Variants in PHKB observed in about 807,000 individuals in gnomAD.
The protein encoded by PHKB is phosphorylase kinase regulatory subunit beta.
PHKB carries 122 observed loss-of-function variants against 152.1 expected under a neutral mutation model. The observed-to-expected ratio is 0.80, with a 90% confidence interval of 0.69 to 0.93. The LOEUF (loss-of-function observed/expected upper bound fraction) is 0.93. Among genes scored for constraint, PHKB ranks in the 40% least tolerant of loss-of-function variants. The pLI, the probability that PHKB is intolerant of heterozygous loss-of-function variation, is 0.00. For missense variants in PHKB, 1,304 were observed against 1,328.4 expected, an observed-to-expected ratio of 0.98 and a Z score of 0.29; for synonymous variants, 436 against 464.9, an observed-to-expected ratio of 0.94 and a Z score of 0.80.
intron 6 of PHKB, among the ~76,000 whole-genome samples, chr16:47,524,068 G>A (rs1291706832): frequency 3.3e-5 from 5 of 152,266 alleles, no homozygotes; most frequent in African/African-American, 1.2e-4. Context: ...TCTACTTAGT[G>A]AGGTTTCAGC....
intron 25 of PHKB, among the ~76,000 whole-genome samples, chr16:47,666,696 C>T (rs983357881): frequency 3.9e-5 from 6 of 152,242 alleles, no homozygotes; most frequent in African/African-American, 1.2e-4. Context: ...GAGTCTGGGT[C>T]TTGTCCAGTA....
At chr16:47,518,722 T>A (rs1280336341) in intron 6 of PHKB, among the ~76,000 whole-genome samples, 1 of 152,226 alleles carries the variant, frequency 6.6e-6, no homozygotes, top group Non-Finnish European at 1.5e-5. Context: ...GCCCTTGTAC[T>A]GCTGTTTGCT....
Position 47,699,717 on chromosome 16 carries a change from G to T in PHKB, c.*351G>T. 3.3e-6 allele frequency: 1 copy of T among 302,088 alleles called. No individual in the cohort carries two copies. Among genetic ancestry groups the T allele is most frequent in the Admixed American group, 4.5e-5 (1 of 22,012 alleles). The allele number at this position is 302,088 out of a possible 1,614,324, so 18.7% of individuals were successfully genotyped here. On this transcript the variant is annotated 3_prime_UTR_variant, in exon 31 of 31. Coordinates refer to ENST00000323584, the MANE Select transcript of PHKB (RefSeq NM_000293.3). ...CTTTGGACTGAATTCTTACCATACT[G>T]CCATTAAAATAAATTTGCCAACTAG...
At chr16:47,620,961 G>A (rs1282314202) in intron 14 of PHKB, among the ~76,000 whole-genome samples, 1 of 152,162 alleles carries the variant, frequency 6.6e-6, no homozygotes, top group Non-Finnish European at 1.5e-5. Context: ...GGTATAAAGT[G>A]TAAAGAATTT....
chr16:47,578,241 A>G (rs1480618914), intron 7 of PHKB, among the ~76,000 whole-genome samples: 3 of 152,092 alleles, frequency 2.0e-5, no homozygotes, highest in Non-Finnish European at 4.4e-5. Flanking sequence ...TTGCTTATTG[A>G]AGCACTTTTA....
intron 14 of PHKB, among the ~76,000 whole-genome samples, chr16:47,627,937 G>A (rs1293664391): frequency 6.6e-6 from 1 of 152,190 alleles, no homozygotes; most frequent in Non-Finnish European, 1.5e-5. Context: ...TAAAGCATCT[G>A]CCTGATTTCT....
intron 16 of PHKB, 86 bp downstream of exon 16, chr16:47,641,778 G>A: frequency 1.3e-6 from 1 of 778,364 alleles, no homozygotes; most frequent in Non-Finnish European, 2.3e-6. Flanking sequence ...AAGTCACACA[G>A]TTAAAATCTG....
At chr16:47,639,046 G>T (rs1171156055) in intron 14 of PHKB, among the ~76,000 whole-genome samples, 1 of 152,140 alleles carries the variant, frequency 6.6e-6, no homozygotes, top group Non-Finnish European at 1.5e-5. Context: ...AGGCCAGTGT[G>T]GGCAGATCGC....
At chr16:47,632,719 G>A (rs1288859089) in intron 14 of PHKB, among the ~76,000 whole-genome samples, 1 of 152,106 alleles carries the variant, frequency 6.6e-6, no homozygotes, top group African/African-American at 2.4e-5. Context: ...TAGAAAAAAA[G>A]AGCAAGGAAA....
intron 20 of PHKB, among the ~76,000 whole-genome samples, chr16:47,654,553 A>G (rs1336346330): frequency 6.6e-6 from 1 of 152,152 alleles, no homozygotes; most frequent in African/African-American, 2.4e-5. Context: ...GAACCAACCC[A>G]AATGTCCAAC....
intron 1 of PHKB, among the ~76,000 whole-genome samples, chr16:47,471,441 A>T (rs1239634979): frequency 6.6e-6 from 1 of 152,178 alleles, no homozygotes; most frequent in Non-Finnish European, 1.5e-5. Flanking sequence ...CTGTTATGTA[A>T]AAATAGACTG....
At chr16:47,667,242 A>AG (rs1973554853) in intron 25 of PHKB, among the ~76,000 whole-genome samples, 1 of 151,836 alleles carries the variant, frequency 6.6e-6, no homozygotes, top group Non-Finnish European at 1.5e-5. Flanking sequence ...GACCAGCCTG[A>AG]GCACATAGCA....
At chr16:47,669,482 C>G in intron 26 of PHKB, 65 bp downstream of exon 26, 2 of 1,418,734 alleles carry the variant, frequency 1.4e-6, no homozygotes, top group Admixed American at 3.4e-5. Context: ...CAGACCCGGC[C>G]TCTCCAAGTG....
intron 21 of PHKB, 41 bp from the exon 22 acceptor site, chr16:47,660,616 A>G (rs368538723): frequency 5.6e-5 from 90 of 1,612,680 alleles, no homozygotes; most frequent in Non-Finnish European, 1.4e-5. Flanking sequence ...AAATTACATT[A>G]GAAAAGCAGA....
At chr16:47,690,786 A>T (rs1330171000) in intron 27 of PHKB, among the ~76,000 whole-genome samples, 2 of 152,212 alleles carry the variant, frequency 1.3e-5, no homozygotes, top group Non-Finnish European at 2.9e-5. Context: ...TCCACTCAAG[A>T]TGCTTAAATT....
intron 14 of PHKB, among the ~76,000 whole-genome samples, chr16:47,621,541 CT>C (rs1972617475): frequency 6.6e-6 from 1 of 152,114 alleles, no homozygotes. Flanking sequence ...TTCTAATGCT[CT>C]CAAATAGTTT....
Position 47,479,360 on chromosome 16 carries a change from G to T in PHKB, c.76+17934G>T, listed in dbSNP as rs530773758. Among the ~76,000 whole-genome samples the T allele has an allele frequency of 4.6e-5, 7 of 152,204 alleles. No individual in the cohort carries two copies. The East Asian group carries it at 1.4e-3, about 29-fold the overall frequency. ...GATCTTACTTTCTAGGGATTGTAGA[G>T]CTAGATTTTCCTAAGACAACAAAGC... On this transcript the variant is annotated intron_variant, in intron 1 of 30. Transcript: ENST00000323584.
In PHKB at chr16:47,502,980, C is replaced by G; in HGVS notation, c.306-11C>G. 6.3e-7 allele frequency: 1 copy of G among 1,583,714 alleles called. No homozygotes were observed. Reference sequence around the variant, plus strand: ...TTCCAATTAGTTTCATGAGTTATCTCTCTCACCCAGGCGAATTGATGATGA... The same window carrying G: ...TTCCAATTAGTTTCATGAGTTATCTGTCTCACCCAGGCGAATTGATGATGA... On this transcript the variant is annotated splice_polypyrimidine_tract_variant and intron_variant, in intron 3 of 30. Transcript: ENST00000323584.
At chr16:47,539,615 T>C (rs962025705) in intron 6 of PHKB, among the ~76,000 whole-genome samples, 6 of 152,244 alleles carry the variant, frequency 3.9e-5, no homozygotes, top group African/African-American at 1.4e-4. Flanking sequence ...GTGAGCTTAA[T>C]ATTAGAAAAA....
Sources: gnomAD v4.1 joint callset for allele counts (sites outside exome capture counted in the v4.1 genomes callset) on GRCh38, gnomAD v4.1.1 for gene constraint, MANE v1.5 for transcripts, NCBI Gene and HGNC (gene_info 2026-07-23, HGNC 2026-07-21) for gene names.